Variants in SNTG1 observed in about 807,000 individuals in gnomAD.
SNTG1 encodes gamma-1-syntrophin.
SNTG1 carries 39 observed loss-of-function variants against 74.7 expected under a neutral mutation model. The observed-to-expected ratio is 0.52, with a 90% confidence interval of 0.40 to 0.68. The LOEUF is 0.68. SNTG1 is among the 30% of genes least tolerant of loss of function. The pLI is 0.00. For synonymous variants in SNTG1, 254 were observed against 217.1 expected (o/e 1.17, Z -1.49); for missense variants, 685 against 609.5 (o/e 1.12, Z -1.30).
intron 12 of SNTG1, among the ~76,000 whole-genome samples, chr8:50,583,768 C>G (rs1356012764): frequency 7.3e-6 from 1 of 136,628 alleles, no homozygotes; most frequent in South Asian, 2.4e-4. Flanking sequence ...TTTGTTTTTT[C>G]TTTTCTTTTT....
intron 12 of SNTG1, among the ~76,000 whole-genome samples, chr8:50,584,372 C>T (rs139327244): frequency 1.9e-4 from 29 of 151,782 alleles, no homozygotes; most frequent in Non-Finnish European, 5.9e-5. Flanking sequence ...ACTAGTTTAC[C>T]GTCCCACCAA....
chr8:49,939,353 T>C (rs887153007), intron 1 of SNTG1, among the ~76,000 whole-genome samples: 2 of 152,368 alleles, frequency 1.3e-5, no homozygotes, highest in African/African-American at 4.8e-5. Flanking sequence ...TGTCTATTTA[T>C]AGTCAGTTGC....
intron 1 of SNTG1, among the ~76,000 whole-genome samples, chr8:50,066,407 CAT>C (rs1311510842): frequency 6.6e-6 from 1 of 152,118 alleles, no homozygotes; most frequent in Non-Finnish European, 1.5e-5. Context: ...CATCATCTCA[CAT>C]AGTTTTTAAA....
chr8:50,100,719 A>G (rs1481393271), intron 1 of SNTG1, among the ~76,000 whole-genome samples: 1 of 152,066 alleles, frequency 6.6e-6, no homozygotes, highest in Non-Finnish European at 1.5e-5. Context: ...CTTGGTATGC[A>G]TTTTCTATGT....
intron 8 of SNTG1, among the ~76,000 whole-genome samples, chr8:50,476,857 G>GACACACAC (rs59121229): frequency 0.024 from 3,456 of 145,838 alleles, 75 homozygotes; most frequent in African/African-American, 0.052. Context: ...GACACACACA[G>GACACACAC]ACACACACAC....
intron 9 of SNTG1, among the ~76,000 whole-genome samples, chr8:50,525,810 T>C (rs900420928): frequency 6.0e-5 from 9 of 149,196 alleles, no homozygotes; most frequent in African/African-American, 1.8e-4. Flanking sequence ...TTTGAGATGA[T>C]TATTTTGTGT....
chr8:50,660,377 G>GAGAAA (rs2095213998), intron 15 of SNTG1, among the ~76,000 whole-genome samples: 2 of 56,136 alleles, frequency 3.6e-5, no homozygotes, highest in African/African-American at 1.7e-4. Context: ...AGAGAAAGAA[G>GAGAAA]GAAGGAAGGA....
rs867166534 is a variant in SNTG1 at position 50,134,901 on chromosome 8, T to A, written c.-102-37660T>A. ...TATTCTTCCAGTGGTTATAAAGTAA[T>A]TTTCAGTCCTCTTTTATGTATTTAC... On this transcript the variant is annotated intron_variant, in intron 1 of 18. Transcript: ENST00000642720. Among the ~76,000 whole-genome samples the A allele has an allele frequency of 1.4e-4, 22 of 152,250 alleles. No individual in the cohort carries two copies. In the East Asian group the frequency reaches 2.1e-3, roughly 15 times the overall value.
At chr8:50,491,676 C>T (rs2131885137) in intron 8 of SNTG1, among the ~76,000 whole-genome samples, 1 of 152,288 alleles carries the variant, frequency 6.6e-6, no homozygotes, top group East Asian at 1.9e-4. Flanking sequence ...GCTGCAAATG[C>T]TGTGCTGTGA....
chr8:49,922,449 A>G, intron 1 of SNTG1, among the ~76,000 whole-genome samples: 1 of 152,040 alleles, frequency 6.6e-6, no homozygotes, highest in East Asian at 1.9e-4. Context: ...TTCCCTCACC[A>G]CTGATGAGGG....
rs117086261 is a variant in SNTG1, at chr8:50,791,287, G to A, written c.1396-1384G>A. On this transcript the variant is annotated intron_variant, in intron 18 of 18. Coordinates refer to ENST00000642720, the MANE Select transcript of SNTG1 (RefSeq NM_018967.5). ...AAGCTTCTAAGATCATTATGATGGA[G>A]TTACTAAAAACTTTTTTGGTGGAAA... Among the ~76,000 whole-genome samples, 721 of 151,942 alleles carry A rather than the reference G, an allele frequency of 4.7e-3. 4 individuals carry two copies. The highest frequency in any genetic ancestry group is 0.011 in the South Asian group (54 of 4,820).
chr8:50,516,259 A>G (rs868132644), intron 9 of SNTG1, among the ~76,000 whole-genome samples: 11 of 152,172 alleles, frequency 7.2e-5, no homozygotes, highest in African/African-American at 2.2e-4. Context: ...ACCATCAACA[A>G]AAAGGACATC....
intron 18 of SNTG1, among the ~76,000 whole-genome samples, chr8:50,753,322 A>G (rs1415928785): frequency 6.6e-6 from 1 of 151,926 alleles, no homozygotes; most frequent in African/African-American, 2.4e-5. Flanking sequence ...ACTCTTGTCA[A>G]ATTTTTTTTA....
chr8:50,464,161 A>C (rs1381899596), intron 8 of SNTG1, among the ~76,000 whole-genome samples: 1 of 152,180 alleles, frequency 6.6e-6, no homozygotes, highest in Non-Finnish European at 1.5e-5. Flanking sequence ...AGATCTATTC[A>C]GACAACTAAA....
At chr8:50,297,820 A>G (rs1034370863) in intron 2 of SNTG1, among the ~76,000 whole-genome samples, 1 of 151,310 alleles carries the variant, frequency 6.6e-6, no homozygotes, top group African/African-American at 2.4e-5. Flanking sequence ...AGAGGGGATT[A>G]TTGTGGTGTG....
chr8:50,289,995 G>A (rs1036947494), intron 2 of SNTG1, among the ~76,000 whole-genome samples: 5 of 152,174 alleles, frequency 3.3e-5, no homozygotes, highest in African/African-American at 1.2e-4. Context: ...GGTTCCTACT[G>A]AGTATTGCAG....
intron 2 of SNTG1, among the ~76,000 whole-genome samples, chr8:50,200,732 A>G (rs902546941): frequency 3.3e-5 from 5 of 152,168 alleles, no homozygotes; most frequent in Non-Finnish European, 7.4e-5. Flanking sequence ...ATCACGATAA[A>G]TGAAAACCAA....
At chr8:50,521,204 G>C (rs964816000) in intron 9 of SNTG1, among the ~76,000 whole-genome samples, 1 of 152,080 alleles carries the variant, frequency 6.6e-6, no homozygotes, top group African/African-American at 2.4e-5. Context: ...ACTCATAAGT[G>C]GGAGTTGAAC....
rs112131632 is a variant in SNTG1, at chr8:50,086,057, T to C, written c.-102-86504T>C. Among the ~76,000 whole-genome samples, 11 of 152,078 alleles carry C rather than the reference T, an allele frequency of 7.2e-5. 1 individual carries two copies. Among genetic ancestry groups the C allele is most frequent in the African/African-American group, 2.4e-4 (10 of 41,498 alleles). On this transcript the variant is annotated intron_variant, in intron 1 of 18. Coordinates refer to ENST00000642720, the MANE Select transcript of SNTG1 (RefSeq NM_018967.5). ...AGAAAGAAAAAAAAAAGGATCGATTTGGGGTAGCAACCAACTATGTCCATA... is the reference window on the plus strand; with the variant it reads ...AGAAAGAAAAAAAAAAGGATCGATTCGGGGTAGCAACCAACTATGTCCATA...
Sources: allele counts gnomAD v4.1 joint callset (sites outside exome capture counted in the v4.1 genomes callset), GRCh38; gene constraint gnomAD v4.1.1; transcripts MANE v1.5; gene names NCBI Gene and HGNC (gene_info 2026-07-23, HGNC 2026-07-21).